RTL4: variants seen among roughly 807,000 people sequenced by gnomAD.
RTL4 encodes the protein retrotransposon Gag like 4.
Under a neutral mutation model 5.3 loss-of-function variants are expected in RTL4, and 4 were observed. That is an observed-to-expected ratio of 0.75 (90% CI 0.37 to 1.72). RTL4 has a LOEUF of 1.72. Ranked by LOEUF, RTL4 falls within the 40% of genes most tolerant of loss-of-function variation. The probability of loss-of-function intolerance (pLI) is 0.04; values close to 1 mark genes in which losing one functional copy is unlikely to be tolerated. For synonymous variants in RTL4, 98 were observed against 87.3 expected, an observed-to-expected ratio of 1.12 and a Z score of -0.68; for missense variants, 260 against 227.1, an observed-to-expected ratio of 1.14 and a Z score of -0.93.
chrX:112,290,781 A>G, the RTL4 span, among the ~76,000 whole-genome samples: 1 of 111,690 alleles, frequency 9.0e-6, no homozygotes, highest in African/African-American at 3.3e-5. Context: ...TAGTGAAACC[A>G]CTCCACAAAT....
chrX:112,452,992 A>C (rs1926768421), upstream of RTL4, among the ~76,000 whole-genome samples: 1 of 106,956 alleles, frequency 9.3e-6, no homozygotes, highest in African/African-American at 3.5e-5. Context: ...AGATTGCACC[A>C]TTGCACTCCA....
At chrX:112,089,628 C>T in the RTL4 span, among the ~76,000 whole-genome samples, 1 of 111,466 alleles carries the variant, frequency 9.0e-6, no homozygotes, top group African/African-American at 3.3e-5. Context: ...CCATACCACA[C>T]CGTTTTTATT....
the RTL4 span, among the ~76,000 whole-genome samples, chrX:112,301,428 C>T: frequency 7.3e-5 from 8 of 110,239 alleles, no homozygotes; most frequent in Non-Finnish European, 1.3e-4. Flanking sequence ...AAATGCTCTA[C>T]ATAGGGTAGC....
chrX:112,331,269 G>A, the RTL4 span, among the ~76,000 whole-genome samples: 1 of 107,550 alleles, frequency 9.3e-6, no homozygotes, highest in African/African-American at 3.4e-5. Flanking sequence ...CTGACAAAGG[G>A]CTAATATCCA....
chrX:112,119,189 G>T, the RTL4 span, among the ~76,000 whole-genome samples: 1 of 110,497 alleles, frequency 9.1e-6, no homozygotes, highest in African/African-American at 3.3e-5. Flanking sequence ...TGGAAATACA[G>T]TGTGTATAGA....
At chrX:112,124,103 A>C in the RTL4 span, among the ~76,000 whole-genome samples, 10 of 112,576 alleles carry the variant, frequency 8.9e-5, no homozygotes, top group Non-Finnish European at 1.9e-4. Flanking sequence ...TATGGAAATC[A>C]AAACCACAAT....
At chrX:112,398,941 G>C in the RTL4 span, among the ~76,000 whole-genome samples, 2 of 112,024 alleles carry the variant, frequency 1.8e-5, no homozygotes, top group African/African-American at 6.5e-5. Flanking sequence ...TGGACCAAAA[G>C]ATGTCTTTGT....
the RTL4 span, among the ~76,000 whole-genome samples, chrX:112,389,225 T>TG: frequency 9.1e-6 from 1 of 109,627 alleles, no homozygotes; most frequent in African/African-American, 3.3e-5. Context: ...TTTATTTCTG[T>TG]GGGGTCAGTG....
At chrX:112,289,472 A>C in the RTL4 span, among the ~76,000 whole-genome samples, 135 of 112,361 alleles carry the variant, frequency 1.2e-3, no homozygotes, top group African/African-American at 4.3e-3. Context: ...ACACTACATA[A>C]TACAAAATAT....
the RTL4 span, among the ~76,000 whole-genome samples, chrX:112,289,244 T>C: frequency 0.022 from 2,463 of 111,780 alleles, 71 homozygotes; most frequent in African/African-American, 0.074. Context: ...GGAAGCAATT[T>C]CTTTGTACAT....
At chrX:112,130,765 A>G in the RTL4 span, among the ~76,000 whole-genome samples, 1 of 105,813 alleles carries the variant, frequency 9.5e-6, no homozygotes, top group Admixed American at 1.0e-4. Flanking sequence ...GAAACTAGAT[A>G]TCATTGATGA....
At chrX:112,294,356 G>A in the RTL4 span, among the ~76,000 whole-genome samples, 3 of 111,251 alleles carry the variant, frequency 2.7e-5, no homozygotes, top group Non-Finnish European at 5.7e-5. Flanking sequence ...CAGCACTTTG[G>A]GAGGCCGATG....
chrX:112,124,739 G>A, the RTL4 span, among the ~76,000 whole-genome samples: 3 of 110,312 alleles, frequency 2.7e-5, no homozygotes, highest in Non-Finnish European at 3.8e-5. Flanking sequence ...AAACCACCAT[G>A]GCACACCTAT....
chrX:112,245,822 A>G, the RTL4 span, among the ~76,000 whole-genome samples: 2 of 112,140 alleles, frequency 1.8e-5, no homozygotes, highest in African/African-American at 3.2e-5. Context: ...GTTTCTCCCC[A>G]TCTTTGTGGT....
the RTL4 span, among the ~76,000 whole-genome samples, chrX:112,275,186 CTT>C: frequency 2.6e-3 from 255 of 96,794 alleles, no homozygotes; most frequent in East Asian, 0.025. Flanking sequence ...TTCTTTCTTG[CTT>C]TTTTTTTTTT....
chrX:112,172,115 AG>A, the RTL4 span, among the ~76,000 whole-genome samples: 1 of 112,373 alleles, frequency 8.9e-6, no homozygotes, highest in South Asian at 3.7e-4. Flanking sequence ...AGATCACTTG[AG>A]GAGTTCAAAT....
At chrX:112,097,873 A>G in the RTL4 span, among the ~76,000 whole-genome samples, 1 of 111,187 alleles carries the variant, frequency 9.0e-6, no homozygotes, top group East Asian at 2.8e-4. Flanking sequence ...GAGGACCAGG[A>G]ATCTTTTTTT....
At chrX:112,262,365 A>C in the RTL4 span, among the ~76,000 whole-genome samples, 1 of 112,000 alleles carries the variant, frequency 8.9e-6, no homozygotes, top group Non-Finnish European at 1.9e-5. Context: ...CAAACGACAC[A>C]ATCAACAAGT....
At chrX:112,136,021 G>T in the RTL4 span, among the ~76,000 whole-genome samples, 1 of 109,357 alleles carries the variant, frequency 9.1e-6, no homozygotes, top group Non-Finnish European at 1.9e-5. Context: ...GTGTTTCATA[G>T]TCCTCATTGT....
Sources: gnomAD v4.1 joint callset for allele counts (sites outside exome capture counted in the v4.1 genomes callset) on GRCh38, gnomAD v4.1.1 for gene constraint, MANE v1.5 for transcripts, NCBI Gene and HGNC (gene_info 2026-07-23, HGNC 2026-07-21) for gene names.